The following DSCAM variants were observed in gnomAD, a reference collection of about 807,000 sequenced individuals.
The protein encoded by DSCAM is cell adhesion molecule DSCAM.
A neutral mutation model predicts 217.7 loss-of-function variants in DSCAM; 47 were observed. The observed-to-expected ratio is 0.22, with a 90% confidence interval of 0.17 to 0.28. The LOEUF (loss-of-function observed/expected upper bound fraction) is 0.28, where lower values mean the gene tolerates loss of function less well. Among genes scored for constraint, DSCAM ranks in the 10% least tolerant of loss-of-function variants. The pLI, the probability that DSCAM is intolerant of heterozygous loss-of-function variation, is 1.00. For missense variants in DSCAM, 2,080 were observed against 2,618.3 expected (o/e 0.79, Z 4.49); for synonymous variants, 1,056 against 1,015.3 (o/e 1.04, Z -0.76).
chr21:40,607,504 G>C (rs1358945878), intron 3 of DSCAM, among the ~76,000 whole-genome samples: 2 of 150,444 alleles, frequency 1.3e-5, no homozygotes, highest in African/African-American at 4.9e-5. Context: ...AAAGAAGCAT[G>C]ATATGGTTTG....
intron 3 of DSCAM, among the ~76,000 whole-genome samples, chr21:40,687,668 C>T (rs181721684): frequency 2.6e-5 from 4 of 152,288 alleles, no homozygotes; most frequent in Non-Finnish European, 5.9e-5. Context: ...AATCTCTTTT[C>T]CCCTCTCTAA....
At chr21:40,518,693 T>TATAC (rs1491499339) in intron 3 of DSCAM, among the ~76,000 whole-genome samples, 2 of 123,192 alleles carry the variant, frequency 1.6e-5, no homozygotes, top group Admixed American at 1.7e-4. Flanking sequence ...TATATATATG[T>TATAC]ATATATATAT....
intron 1 of DSCAM, among the ~76,000 whole-genome samples, chr21:40,792,406 G>A (rs553808033): frequency 3.3e-5 from 5 of 152,180 alleles, no homozygotes; most frequent in African/African-American, 1.2e-4. Context: ...TTACAGGCAT[G>A]AGCCACCGTG....
chr21:40,523,870 C>T (rs758491175), intron 3 of DSCAM, among the ~76,000 whole-genome samples: 5 of 152,054 alleles, frequency 3.3e-5, no homozygotes, highest in African/African-American at 4.8e-5. Flanking sequence ...GCCATGGGGT[C>T]GGAGTCACCA....
At chr21:40,210,164 C>T (rs1464837532) in intron 11 of DSCAM, among the ~76,000 whole-genome samples, 1 of 152,108 alleles carries the variant, frequency 6.6e-6, no homozygotes. Context: ...CACTGTTTTG[C>T]CATTCTGAAA....
chr21:40,599,763 A>G (rs1439902424), intron 3 of DSCAM, among the ~76,000 whole-genome samples: 1 of 152,228 alleles, frequency 6.6e-6, no homozygotes, highest in East Asian at 1.9e-4. Context: ...ATAAAACACG[A>G]TAAAGGGGAT....
At chr21:40,307,184 T>C (rs1431380224) in intron 9 of DSCAM, among the ~76,000 whole-genome samples, 4 of 151,532 alleles carry the variant, frequency 2.6e-5, no homozygotes, top group East Asian at 3.9e-4. Context: ...AACCTACTCA[T>C]CTGACAAAGG....
intron 3 of DSCAM, among the ~76,000 whole-genome samples, chr21:40,549,246 A>G (rs532353527): frequency 6.6e-6 from 1 of 152,332 alleles, no homozygotes; most frequent in South Asian, 2.1e-4. Context: ...CAACAACAAA[A>G]ATATTAAAGA....
chr21:40,047,669 G>A (rs2146488747), intron 30 of DSCAM, among the ~76,000 whole-genome samples: 1 of 152,286 alleles, frequency 6.6e-6, no homozygotes, highest in South Asian at 2.1e-4. Flanking sequence ...TCCATATCTT[G>A]CAGTTGTGGA....
intron 1 of DSCAM, among the ~76,000 whole-genome samples, chr21:40,761,819 C>A (rs1342180798): frequency 6.6e-6 from 1 of 152,114 alleles, no homozygotes; most frequent in African/African-American, 2.4e-5. Context: ...ATCAAAACCG[C>A]ACAACTACAT....
intron 1 of DSCAM, among the ~76,000 whole-genome samples, chr21:40,823,705 T>C: frequency 6.6e-6 from 1 of 152,210 alleles, no homozygotes; most frequent in East Asian, 1.9e-4. Context: ...CATTTTTGTA[T>C]ACTTTAATTT....
At chr21:40,464,199 C>T (rs1023524477) in intron 3 of DSCAM, among the ~76,000 whole-genome samples, 25 of 152,330 alleles carry the variant, frequency 1.6e-4, no homozygotes, top group African/African-American at 5.3e-4. Context: ...TCTCTGAATG[C>T]CTTGGAGGCT....
At chr21:40,073,253 G>A (rs551176283) in intron 27 of DSCAM, among the ~76,000 whole-genome samples, 3 of 152,310 alleles carry the variant, frequency 2.0e-5, no homozygotes, top group Admixed American at 6.5e-5. Flanking sequence ...TGAATTTGGC[G>A]AGGGTGTAGA....
At chr21:40,133,226 T>G (rs2090172078) in intron 19 of DSCAM, among the ~76,000 whole-genome samples, 1 of 152,242 alleles carries the variant, frequency 6.6e-6, no homozygotes, top group South Asian at 2.1e-4. Context: ...ACAGAACCTT[T>G]GTTGTATGGT....
rs564439576 is a variant in DSCAM at position 40,421,127 on chromosome 21, G to A, written c.509-51882C>T. 7.9e-5 allele frequency among the ~76,000 whole-genome samples: 12 copies of A among 152,290 alleles called. No individual in the cohort carries two copies. In the South Asian group the frequency reaches 2.3e-3, roughly 29 times the overall value. The stretch of plus-strand genomic sequence containing the variant: ...TTAACCTGACAATTGTTTCAGCCAT[G>A]AAGAAAGACAGAGGAATTGATGTGT... On this transcript the variant is annotated intron_variant, in intron 3 of 32. Transcript: ENST00000400454.
At chr21:40,682,509 G>A (rs946567370) in intron 3 of DSCAM, among the ~76,000 whole-genome samples, 1 of 140,044 alleles carries the variant, frequency 7.1e-6, no homozygotes, top group Non-Finnish European at 1.5e-5. Context: ...CAAAGAAAGA[G>A]AGAAAGAGAG....
intron 16 of DSCAM, among the ~76,000 whole-genome samples, chr21:40,158,814 T>C (rs1235088379): frequency 1.3e-5 from 2 of 152,244 alleles, no homozygotes; most frequent in Admixed American, 1.3e-4. Flanking sequence ...ACTTTTATTT[T>C]TGGTCTCAAC....
chr21:40,457,043 G>A (rs183295825), intron 3 of DSCAM, among the ~76,000 whole-genome samples: 1 of 152,274 alleles, frequency 6.6e-6, no homozygotes, highest in Admixed American at 6.5e-5. Flanking sequence ...GGGATAGAGG[G>A]ATGCCTATAC....
At chr21:40,435,385 T>C (rs1210443895) in intron 3 of DSCAM, among the ~76,000 whole-genome samples, 1 of 152,238 alleles carries the variant, frequency 6.6e-6, no homozygotes, top group Non-Finnish European at 1.5e-5. Context: ...ACATTTCAGA[T>C]TTAAGCCTGG....
Sources: allele counts gnomAD v4.1 joint callset (sites outside exome capture counted in the v4.1 genomes callset), GRCh38; gene constraint gnomAD v4.1.1; transcripts MANE v1.5; gene names NCBI Gene and HGNC (gene_info 2026-07-23, HGNC 2026-07-21).